Variants in CRISPLD2 observed in about 807,000 individuals in gnomAD.
CRISPLD2 encodes the protein cysteine-rich secretory protein LCCL domain-containing 2.
In CRISPLD2, 47 loss-of-function variants were observed where a neutral mutation model predicts 71.1. That is an observed-to-expected ratio of 0.66 (90% CI 0.52 to 0.84). The LOEUF is 0.84. CRISPLD2 is among the 40% of genes least tolerant of loss of function. CRISPLD2 has a pLI of 0.00. For missense variants in CRISPLD2, 830 were observed against 651.1 expected, an observed-to-expected ratio of 1.27 and a Z score of -2.99; for synonymous variants, 317 against 250.1, an observed-to-expected ratio of 1.27 and a Z score of -2.52.
At chr16:84,836,749 C>T (rs1380447173) in intron 1 of CRISPLD2, among the ~76,000 whole-genome samples, 1 of 152,180 alleles carries the variant, frequency 6.6e-6, no homozygotes, top group Non-Finnish European at 1.5e-5. Flanking sequence ...CGAGGATGCC[C>T]ACCTTGCACT....
chr16:84,899,499 C>G (rs747249354), intron 14 of CRISPLD2, among the ~76,000 whole-genome samples: 3 of 152,204 alleles, frequency 2.0e-5, no homozygotes, highest in Non-Finnish European at 4.4e-5. Flanking sequence ...GCATGAACAA[C>G]TGGGGACACT....
intron 1 of CRISPLD2, among the ~76,000 whole-genome samples, chr16:84,820,379 C>G (rs1916204497): frequency 6.6e-6 from 1 of 152,182 alleles, no homozygotes; most frequent in Non-Finnish European, 1.5e-5. Context: ...GGATTCAACG[C>G]CGATCTGAGC....
chr16:84,837,600 G>A (rs570886342), intron 1 of CRISPLD2, among the ~76,000 whole-genome samples: 134 of 150,700 alleles, frequency 8.9e-4, no homozygotes, highest in African/African-American at 3.0e-3. Flanking sequence ...GTATTTTTTA[G>A]TAGAGACAGG....
chr16:84,847,292 G>C (rs1315539387), intron 3 of CRISPLD2, among the ~76,000 whole-genome samples: 1 of 152,200 alleles, frequency 6.6e-6, no homozygotes, highest in Non-Finnish European at 1.5e-5. Flanking sequence ...TGGATCGACC[G>C]CGGTGACTTC....
intron 12 of CRISPLD2, among the ~76,000 whole-genome samples, chr16:84,879,589 C>A (rs144843128): frequency 1.3e-5 from 2 of 152,002 alleles, no homozygotes; most frequent in East Asian, 3.9e-4. Flanking sequence ...CTCGAACTCC[C>A]GACCTCAGGT....
chr16:84,888,180 T>C (rs1321005224), intron 13 of CRISPLD2, among the ~76,000 whole-genome samples: 4 of 152,250 alleles, frequency 2.6e-5, no homozygotes, highest in Non-Finnish European at 5.9e-5. Context: ...TTTCTTGCCT[T>C]TTCCGGCTTC....
Position 84,896,102 on chromosome 16 carries a change from G to C in CRISPLD2, c.1439+6739G>C, listed in dbSNP as rs201820381. The stretch of plus-strand genomic sequence containing the variant: ...TGCCCAGGCTGGGATGCAGTGGCGC[G>C]ATCTCCACTCACTGCAACCTCTGCC... On this transcript the variant is annotated intron_variant, in intron 14 of 14. Coordinates refer to ENST00000262424, the MANE Select transcript of CRISPLD2 (RefSeq NM_031476.4). Among the ~76,000 whole-genome samples, 14 of 150,846 alleles carry C rather than the reference G, an allele frequency of 9.3e-5. No individual in the cohort carries two copies. The East Asian group carries it at 1.8e-3, about 19-fold the overall frequency.
chr16:84,873,913 T>TTTA lies in CRISPLD2; in HGVS notation c.1113-7_1113-6insTTA. On this transcript the variant is annotated splice_region_variant and splice_polypyrimidine_tract_variant and intron_variant, in intron 10 of 14. Transcript: ENST00000262424. ...TGCCCGTTTTTTTTTTTTTTTTTTT[T>TTTA]AAACAGCAAATACAAACCTTCCAGC... is the stretch of plus-strand genomic sequence containing the variant. The TTTA allele has an allele frequency of 1.4e-6, 2 of 1,444,756 alleles. No individual in the cohort carries two copies. The highest frequency in any genetic ancestry group is 9.2e-7 in the Non-Finnish European group (1 of 1,083,392). The allele number at this position is 1,444,756 out of a possible 1,614,324, so 89.5% of individuals were successfully genotyped here.
intron 1 of CRISPLD2, among the ~76,000 whole-genome samples, chr16:84,832,593 C>G (rs1025533117): frequency 1.3e-5 from 2 of 152,256 alleles, no homozygotes; most frequent in Non-Finnish European, 2.9e-5. Context: ...TCTAGGAAGC[C>G]GTGCTCCTCG....
intron 14 of CRISPLD2, among the ~76,000 whole-genome samples, chr16:84,899,545 G>A (rs865798505): frequency 5.3e-5 from 8 of 152,200 alleles, no homozygotes; most frequent in Non-Finnish European, 8.8e-5. Context: ...CCAAACCTGC[G>A]GGAATTTTTA....
chr16:84,845,649 T>C (rs1187215802), intron 2 of CRISPLD2, 137 bp from the exon 3 acceptor site: 3 of 674,522 alleles, frequency 4.4e-6, no homozygotes, highest in African/African-American at 3.6e-5. Flanking sequence ...CTGGCTGATT[T>C]AGGAACCCAG....
chr16:84,858,542 C>T (rs1398465604), intron 6 of CRISPLD2, among the ~76,000 whole-genome samples: 1 of 152,244 alleles, frequency 6.6e-6, no homozygotes, highest in Non-Finnish European at 1.5e-5. Context: ...CATCCTCTGG[C>T]ACACAAATGT....
intron 1 of CRISPLD2, chr16:84,836,027 A>T (rs1005869978): frequency 1.3e-5 from 2 of 152,216 alleles, no homozygotes; most frequent in Non-Finnish European, 2.9e-5. Flanking sequence ...CGTGTGGAAA[A>T]TTCCACACCT....
In CRISPLD2 at chr16:84,884,636, G is replaced by A. The variant is rs541484574; in HGVS notation, c.1305+4052G>A. On this transcript the variant is annotated intron_variant, in intron 13 of 14. Transcript: ENST00000262424. ...CTGTGAGAGGAGAGGTGTGGAGGAA[G>A]GAAGAAAGGAGGAAAGGTGTTTGCG... is the stretch of plus-strand genomic sequence containing the variant. Among the ~76,000 whole-genome samples the A allele has an allele frequency of 2.0e-5, 3 of 152,306 alleles. No homozygotes were observed. The South Asian group carries it at 6.2e-4, about 32-fold the overall frequency.
At chr16:84,855,677 C>G (rs974360558) in intron 6 of CRISPLD2, among the ~76,000 whole-genome samples, 9 of 152,174 alleles carry the variant, frequency 5.9e-5, no homozygotes, top group Non-Finnish European at 1.3e-4. Flanking sequence ...CAAGTTGACA[C>G]TCAGTATTAA....
intron 14 of CRISPLD2, among the ~76,000 whole-genome samples, chr16:84,891,479 T>C (rs556385052): frequency 1.3e-5 from 2 of 152,308 alleles, no homozygotes; most frequent in East Asian, 3.9e-4. Context: ...CTTCAGCACG[T>C]GCGGCCTTTG....
At chr16:84,849,791 T>C (rs57875117) in intron 4 of CRISPLD2, among the ~76,000 whole-genome samples, 117,472 of 151,314 alleles carry the variant, frequency 0.78, 45,843 homozygotes, top group Middle Eastern at 0.89. Flanking sequence ...TTAGTTAGCT[T>C]AGTGCAGCCC....
chr16:84,825,956 C>CAA (rs954892336), intron 1 of CRISPLD2, among the ~76,000 whole-genome samples: 2 of 140,036 alleles, frequency 1.4e-5, no homozygotes, highest in Non-Finnish European at 1.6e-5. Flanking sequence ...GACCCTGTCT[C>CAA]AAAAAAAAAA....
At chr16:84,876,629 C>G (rs2071520859) in intron 11 of CRISPLD2, among the ~76,000 whole-genome samples, 1 of 152,030 alleles carries the variant, frequency 6.6e-6, no homozygotes, top group South Asian at 2.1e-4. Flanking sequence ...CCTGTCTCTA[C>G]TGAAAATACA....
Sources: gnomAD v4.1 joint callset for allele counts (sites outside exome capture counted in the v4.1 genomes callset) on GRCh38, gnomAD v4.1.1 for gene constraint, MANE v1.5 for transcripts, NCBI Gene and HGNC (gene_info 2026-07-23, HGNC 2026-07-21) for gene names.